EXOC4: variants seen among roughly 807,000 people sequenced by gnomAD.
EXOC4 encodes exocyst complex component 4.
In EXOC4, 71 loss-of-function variants were observed where a neutral mutation model predicts 107.2. That is an observed-to-expected ratio of 0.66 (90% confidence interval 0.55 to 0.81). The LOEUF (loss-of-function observed/expected upper bound fraction) is 0.81. EXOC4 is among the 30% of genes least tolerant of loss of function. The pLI, the probability that EXOC4 is intolerant of heterozygous loss-of-function variation, is 0.00. For missense variants in EXOC4, 1,108 were observed against 1,189.6 expected (o/e 0.93, Z 1.01); for synonymous variants, 456 against 441.2 (o/e 1.03, Z -0.42).
chr7:133,907,756 T>G (rs776264636), intron 12 of EXOC4, among the ~76,000 whole-genome samples: 5 of 151,526 alleles, frequency 3.3e-5, no homozygotes, highest in Admixed American at 3.3e-4. Flanking sequence ...GGAGAATCGC[T>G]TGAACCTGGG....
At chr7:133,491,867 C>T (rs939077541) in intron 9 of EXOC4, among the ~76,000 whole-genome samples, 24 of 152,178 alleles carry the variant, frequency 1.6e-4, no homozygotes, top group Admixed American at 9.2e-4. Flanking sequence ...AGGGAACTCG[C>T]GGCAAGTAGG....
chr7:133,919,176 A>G (rs571415434), intron 13 of EXOC4, among the ~76,000 whole-genome samples: 2 of 152,258 alleles, frequency 1.3e-5, no homozygotes, highest in African/African-American at 2.4e-5. Context: ...CTTGTTAGCT[A>G]GTTAATTATA....
chr7:133,677,226 C>A (rs964967103), intron 10 of EXOC4, among the ~76,000 whole-genome samples: 2 of 151,946 alleles, frequency 1.3e-5, no homozygotes, highest in African/African-American at 4.8e-5. Flanking sequence ...TCTTTGTTAC[C>A]GTTAAGATGT....
At chr7:133,703,620 A>G (rs983810047) in intron 10 of EXOC4, among the ~76,000 whole-genome samples, 6 of 152,230 alleles carry the variant, frequency 3.9e-5, no homozygotes, top group Non-Finnish European at 5.9e-5. Context: ...TAGACTAGTA[A>G]GAAAATCACT....
At chr7:134,052,459 A>C (rs1474221160) in intron 17 of EXOC4, among the ~76,000 whole-genome samples, 1 of 152,028 alleles carries the variant, frequency 6.6e-6, no homozygotes, top group East Asian at 1.9e-4. Flanking sequence ...TCTTCTTCTG[A>C]GTCAAGAGGG....
At chr7:133,754,082 A>G (rs1035141969) in intron 10 of EXOC4, among the ~76,000 whole-genome samples, 1 of 152,334 alleles carries the variant, frequency 6.6e-6, no homozygotes, top group Admixed American at 6.5e-5. Context: ...GTAGTTTATT[A>G]TAATACCCTG....
At chr7:133,697,376 A>G (rs1398432594) in intron 10 of EXOC4, among the ~76,000 whole-genome samples, 1 of 152,190 alleles carries the variant, frequency 6.6e-6, no homozygotes, top group East Asian at 1.9e-4. Flanking sequence ...ATTTCACTTA[A>G]TAATTTTGTA....
intron 10 of EXOC4, among the ~76,000 whole-genome samples, chr7:133,717,436 C>T (rs1795021377): frequency 6.6e-6 from 1 of 152,200 alleles, no homozygotes; most frequent in Non-Finnish European, 1.5e-5. Context: ...TGTGCACATG[C>T]TTGCCGCCCC....
At chr7:133,692,122 T>C (rs2151078168) in intron 10 of EXOC4, among the ~76,000 whole-genome samples, 1 of 152,254 alleles carries the variant, frequency 6.6e-6, no homozygotes, top group Non-Finnish European at 1.5e-5. Context: ...AGTTTTAACC[T>C]GAAAAATTTA....
chr7:133,906,319 C>G (rs1003142218), intron 12 of EXOC4, among the ~76,000 whole-genome samples: 5 of 152,134 alleles, frequency 3.3e-5, no homozygotes, highest in Non-Finnish European at 7.3e-5. Flanking sequence ...GAGTGAGAGG[C>G]AGGACTAGCT....
intron 11 of EXOC4, among the ~76,000 whole-genome samples, chr7:133,862,711 A>C (rs1284382436): frequency 6.6e-6 from 1 of 152,190 alleles, no homozygotes; most frequent in Non-Finnish European, 1.5e-5. Context: ...ATAGATACAT[A>C]TATACTATAT....
At chr7:133,365,270 T>A (rs1338193574) in intron 6 of EXOC4, among the ~76,000 whole-genome samples, 1 of 152,232 alleles carries the variant, frequency 6.6e-6, no homozygotes, top group Non-Finnish European at 1.5e-5. Context: ...TCTTAACTTT[T>A]GTTATCCCTG....
intron 10 of EXOC4, among the ~76,000 whole-genome samples, chr7:133,715,877 A>G (rs1184488136): frequency 6.6e-6 from 1 of 152,158 alleles, no homozygotes; most frequent in Non-Finnish European, 1.5e-5. Flanking sequence ...TTCCCATGTT[A>G]ACTCTAATTC....
chr7:134,069,234 C>T (rs76964937), downstream of EXOC4, among the ~76,000 whole-genome samples: 280 of 38,622 alleles, frequency 7.2e-3, no homozygotes, highest in East Asian at 0.025. Flanking sequence ...TTCTTCTTCT[C>T]CTTATTCTCC....
chr7:133,686,691 G>A (rs1185683838), intron 10 of EXOC4, among the ~76,000 whole-genome samples: 1 of 152,098 alleles, frequency 6.6e-6, no homozygotes, highest in Non-Finnish European at 1.5e-5. Flanking sequence ...CTGCAAGAAT[G>A]GCCATAATAG....
chr7:133,734,236 A>C (rs1394759336), intron 10 of EXOC4, among the ~76,000 whole-genome samples: 2 of 152,222 alleles, frequency 1.3e-5, no homozygotes, highest in Non-Finnish European at 2.9e-5. Context: ...GTGACACTCA[A>C]AAACTCAAAT....
intron 10 of EXOC4, among the ~76,000 whole-genome samples, chr7:133,696,356 T>A (rs1188941115): frequency 6.6e-6 from 1 of 152,084 alleles, no homozygotes; most frequent in Admixed American, 6.5e-5. Context: ...GACTGGTGAT[T>A]TAGGGCTTAA....
chr7:133,788,402 A>G (rs948222987), intron 10 of EXOC4, among the ~76,000 whole-genome samples: 3 of 151,676 alleles, frequency 2.0e-5, no homozygotes, highest in African/African-American at 7.3e-5. Flanking sequence ...TTTTTTTCCC[A>G]AAACTACTCC....
Position 133,928,048 on chromosome 7 carries a change from T to C in EXOC4, c.2028-9843T>C, listed in dbSNP as rs138453943. On this transcript the variant is annotated intron_variant, in intron 13 of 17. Transcript: ENST00000253861. ...GACAATTATTTGAGAATTATAATTA[T>C]CTGTTAGTATCATTAAAGTGTCACT... Among the ~76,000 whole-genome samples, 41 of 152,340 alleles carry C rather than the reference T, an allele frequency of 2.7e-4. 1 individual carries two copies. The highest frequency in any genetic ancestry group is 9.9e-4 in the African/African-American group (41 of 41,590).
Sources: allele counts gnomAD v4.1 joint callset (sites outside exome capture counted in the v4.1 genomes callset), GRCh38; gene constraint gnomAD v4.1.1; transcripts MANE v1.5; gene names NCBI Gene and HGNC (gene_info 2026-07-23, HGNC 2026-07-21).